ZCWPW1: variants seen among roughly 807,000 people sequenced by gnomAD.
ZCWPW1 encodes zinc finger CW-type PWWP domain protein 1.
In ZCWPW1, 56 loss-of-function variants were observed where a neutral mutation model predicts 81.3. The ratio of observed to expected loss-of-function variants is 0.69; its 90% CI spans 0.56 to 0.86. The LOEUF (loss-of-function observed/expected upper bound fraction) is 0.86. Among genes scored for constraint, ZCWPW1 ranks in the 40% least tolerant of loss-of-function variants. ZCWPW1 has a pLI of 0.00. For missense variants in ZCWPW1, 650 were observed against 769.8 expected (o/e 0.84, Z 1.84); for synonymous variants, 250 against 273.7 (o/e 0.91, Z 0.86).
chr7:100,401,076 C>A lies in ZCWPW1; in HGVS notation c.1888G>T (p.Gly630Trp). 2 of 1,614,180 alleles carry A rather than the reference C, an allele frequency of 1.2e-6. No homozygotes were observed. Among genetic ancestry groups the A allele is most frequent in the African/African-American group, 2.7e-5 (2 of 75,036 alleles). Residue 630 changes from glycine (G) to tryptophan (W), a missense_variant, in exon 18 of 18, where the codon GGG becomes TGG. Transcript: ENST00000684423. ...EDVGRELGQSGELQHSNSDGE... is the reference protein window; with the variant it reads ...EDVGRELGQSWELQHSNSDGE... The stretch of plus-strand genomic sequence containing the variant: ...TCACTGTTGCTGTGCTGCAGCTCCC[C>A]GCTCTGCCCCAGCTCTCTCCCAACA...
intron 10 of ZCWPW1, 33 bp downstream of exon 10, chr7:100,408,506 G>A: frequency 6.2e-7 from 1 of 1,602,972 alleles, no homozygotes; most frequent in African/African-American, 1.3e-5. Flanking sequence ...CCAAGTTTGT[G>A]AAGGATGCTC....
intron 2 of ZCWPW1, among the ~76,000 whole-genome samples, chr7:100,422,471 C>G (rs2130845377): frequency 1.3e-5 from 2 of 152,330 alleles, no homozygotes; most frequent in South Asian, 4.1e-4. Flanking sequence ...TATTCGTGAC[C>G]CACCAGTGTG....
At position 100,412,445 on chromosome 7, in the gene ZCWPW1, T is replaced by C. The variant is rs550739866; in HGVS notation, c.755-2901A>G. Among the ~76,000 whole-genome samples the C allele has an allele frequency of 1.3e-3, 205 of 152,322 alleles. 1 individual carries two copies. The highest frequency in any genetic ancestry group is 4.7e-3 in the African/African-American group (197 of 41,572). ...GTTCAAGACAGAAACCAATCATCCT[T>C]GACATACCTTCTCCTGCTCCAACCT... On this transcript the variant is annotated intron_variant, in intron 8 of 17. Transcript: ENST00000684423.
At chr7:100,414,711 G>A (rs34919929) in intron 8 of ZCWPW1, among the ~76,000 whole-genome samples, 109,903 of 152,034 alleles carry the variant, frequency 0.72, 40,771 homozygotes, top group African/African-American at 0.86. Flanking sequence ...TGTATGATCT[G>A]TTTTATTTCT....
chr7:100,405,836 G>A (rs1355133857), intron 12 of ZCWPW1, among the ~76,000 whole-genome samples: 3 of 152,146 alleles, frequency 2.0e-5, no homozygotes, highest in Non-Finnish European at 4.4e-5. Flanking sequence ...CATGTTGCCA[G>A]GTGGTCTCAA....
At position 100,409,423 on chromosome 7, in the gene ZCWPW1, TCTAC is replaced by T. The variant is rs768166498; in HGVS notation, c.871+1_871+4del. On this transcript the variant is annotated splice_donor_variant and splice_donor_region_variant and intron_variant, in intron 9 of 17. Transcript: ENST00000684423. LOFTEE classifies it high-confidence loss of function. Reference sequence around the variant, plus strand: ...ATGAATGAAAACATTTCCAGTCTTTTCTACCTGTGTTCTGATCACAGGACCAATT... The same window carrying T: ...ATGAATGAAAACATTTCCAGTCTTTTCTGTGTTCTGATCACAGGACCAATT... 1.2e-6 allele frequency: 2 copies of T among 1,601,506 alleles called. No individual in the cohort carries two copies. The highest frequency in any genetic ancestry group is 2.2e-5 in the East Asian group (1 of 44,784).
At chr7:100,414,554 T>C (rs1465808508) in intron 8 of ZCWPW1, among the ~76,000 whole-genome samples, 1 of 152,030 alleles carries the variant, frequency 6.6e-6, no homozygotes, top group Admixed American at 6.6e-5. Flanking sequence ...CAGCTAGGAC[T>C]ACAGGCACTA....
At chr7:100,403,937 T>C (rs1792445040) in intron 14 of ZCWPW1, 152 bp from the exon 15 acceptor site, 2 of 964,264 alleles carry the variant, frequency 2.1e-6, no homozygotes, top group Non-Finnish European at 3.2e-6. Context: ...TTCCACCCTT[T>C]TCAAAGTCCA....
rs771400582 is a variant in ZCWPW1, at chr7:100,401,113, T to C, written c.1851A>G (p.Gln617=). The C allele has an allele frequency of 6.2e-7, 1 of 1,614,086 alleles. No homozygotes were observed. Among genetic ancestry groups the C allele is most frequent in the African/African-American group, 1.3e-5 (1 of 74,934 alleles). ...GCTCTCTCCCAACATCTTCCATGAG[T>C]TGCTCCAGGTCCAGGTCACTGGAGG... The part of the protein sequence containing the change: ...DEASSDLDLE[Q]LMEDVGRELG... Residue 617 remains glutamine (Q), a synonymous_variant, in exon 18 of 18, where the codon CAA becomes CAG. Coordinates refer to ENST00000684423, the MANE Select transcript of ZCWPW1 (RefSeq NM_001386010.1).
At chr7:100,403,630 C>T in intron 15 of ZCWPW1, 64 bp downstream of exon 15, 3 of 1,468,828 alleles carry the variant, frequency 2.0e-6, no homozygotes, top group Non-Finnish European at 2.8e-6. Context: ...TTGAGACCAG[C>T]CTGGGCAACC....
intron 8 of ZCWPW1, among the ~76,000 whole-genome samples, chr7:100,415,751 A>G (rs1795099149): frequency 6.6e-6 from 1 of 152,218 alleles, no homozygotes; most frequent in East Asian, 1.9e-4. Flanking sequence ...CTTCCTGGGA[A>G]ACATCTAAAA....
intron 11 of ZCWPW1, 74 bp from the exon 12 acceptor site, chr7:100,406,872 G>A (rs1056939085): frequency 1.5e-6 from 2 of 1,364,160 alleles, no homozygotes; most frequent in Non-Finnish European, 2.1e-6. Context: ...GAACAGATCG[G>A]GAGAATGGGA....
intron 8 of ZCWPW1, among the ~76,000 whole-genome samples, chr7:100,414,744 A>T (rs1049426426): frequency 6.6e-6 from 1 of 152,138 alleles, no homozygotes. Flanking sequence ...TACCATTATC[A>T]GGCTGGGCAC....
At chr7:100,415,333 G>A (rs538129088) in intron 8 of ZCWPW1, among the ~76,000 whole-genome samples, 57 of 151,894 alleles carry the variant, frequency 3.8e-4, no homozygotes, top group African/African-American at 1.2e-3. Flanking sequence ...CACCCACCTC[G>A]GCATCCCACA....
In ZCWPW1 at chr7:100,413,039, C is replaced by T. The variant is rs149915887; in HGVS notation, c.754+2936G>A. On this transcript the variant is annotated intron_variant, in intron 8 of 17. Coordinates refer to ENST00000684423, the MANE Select transcript of ZCWPW1 (RefSeq NM_001386010.1). ...AAGTGCTGGGATTACAGGTGTAAAC[C>T]ACTGTGCTCAGCCATCATCTTAATC... Among the ~76,000 whole-genome samples, 234 of 152,288 alleles carry T rather than the reference C, an allele frequency of 1.5e-3. 1 individual carries two copies. Among genetic ancestry groups the T allele is most frequent in the East Asian group, 0.015 (79 of 5,186 alleles).
At chr7:100,426,803 C>G (rs1444250223) in intron 1 of ZCWPW1, among the ~76,000 whole-genome samples, 3 of 114,746 alleles carry the variant, frequency 2.6e-5, no homozygotes, top group Non-Finnish European at 5.5e-5. Context: ...CTCTTCCCTC[C>G]CTCCTCCCCC....
intron 13 of ZCWPW1, 68 bp downstream of exon 13, chr7:100,404,945 G>T: frequency 6.6e-7 from 1 of 1,515,150 alleles, no homozygotes; most frequent in Non-Finnish European, 9.1e-7. Flanking sequence ...TCTTTGTCTG[G>T]ACTGAGAAAG....
At chr7:100,424,937 G>A (rs1797037615) in intron 2 of ZCWPW1, 93 bp downstream of exon 2, 1 of 152,224 alleles carries the variant, frequency 6.6e-6, no homozygotes. Flanking sequence ...GAGTTAATAA[G>A]ATGTAATAAA....
At chr7:100,428,180 G>A (rs1190020793) in intron 1 of ZCWPW1, among the ~76,000 whole-genome samples, 1 of 152,154 alleles carries the variant, frequency 6.6e-6, no homozygotes, top group African/African-American at 2.4e-5. Flanking sequence ...AGGACCTAAA[G>A]GCGATGGGCG....
Sources: allele counts gnomAD v4.1 joint callset (sites outside exome capture counted in the v4.1 genomes callset), GRCh38; gene constraint gnomAD v4.1.1; transcripts MANE v1.5; gene names NCBI Gene and HGNC (gene_info 2026-07-23, HGNC 2026-07-21).